The following ATG7 variants were observed in gnomAD, a reference collection of about 807,000 sequenced individuals.
The protein encoded by ATG7 is ubiquitin-like modifier-activating enzyme ATG7.
A neutral mutation model predicts 82.4 loss-of-function variants in ATG7; 70 were observed. That is an observed-to-expected ratio of 0.85 (90% confidence interval 0.70 to 1.04). The LOEUF is 1.04. Ranked by LOEUF, ATG7 falls within the 50% of genes least tolerant of loss-of-function variation. ATG7 has a pLI of 0.00. For missense variants in ATG7, 792 were observed against 864.3 expected, an observed-to-expected ratio of 0.92 and a Z score of 1.05; for synonymous variants, 287 against 313.0, an observed-to-expected ratio of 0.92 and a Z score of 0.88.
intron 20 of ATG7, chr3:11,446,789 C>T: frequency 5.2e-6 from 1 of 193,202 alleles, no homozygotes; most frequent in South Asian, 7.7e-5. Context: ...AGCTATGCTC[C>T]AGGGGGAGGT....
chr3:11,292,977 T>G (rs1445892384), intron 3 of ATG7, among the ~76,000 whole-genome samples: 1 of 152,186 alleles, frequency 6.6e-6, no homozygotes, highest in Non-Finnish European at 1.5e-5. Flanking sequence ...AGTGCTTTAT[T>G]GCGTTGAGAG....
At position 11,556,730 on chromosome 3, in the gene ATG7, G is replaced by A. The variant is rs2072455614; in HGVS notation, c.*1887G>A. 6.6e-6 allele frequency: 1 copy of A among 152,608 alleles called. No homozygotes were observed. Among genetic ancestry groups the A allele is most frequent in the Non-Finnish European group, 1.5e-5 (1 of 68,038 alleles). 9.5% of individuals were successfully genotyped at this position (152,608 alleles called of 1,614,324 possible). ...TCAAAAAATACCTACAAATTTCTCT[G>A]TACATTCTTTACGCACAGCGTAACG... On this transcript the variant is annotated 3_prime_UTR_variant, in exon 21 of 21. Transcript: ENST00000693202.
At chr3:11,322,732 T>C (rs1950371174) in intron 9 of ATG7, among the ~76,000 whole-genome samples, 1 of 152,234 alleles carries the variant, frequency 6.6e-6, no homozygotes, top group Non-Finnish European at 1.5e-5. Context: ...ATTTTTCCTC[T>C]TTTTCCTCTC....
chr3:11,553,331 C>T (rs372596436), intron 20 of ATG7, among the ~76,000 whole-genome samples: 34 of 151,874 alleles, frequency 2.2e-4, no homozygotes, highest in African/African-American at 7.5e-4. Context: ...AGGGAGTATT[C>T]GCAGCAGGTC....
downstream of ATG7, chr3:11,558,587 C>T (rs1402707426): frequency 6.2e-7 from 1 of 1,604,012 alleles, no homozygotes; most frequent in Non-Finnish European, 8.5e-7. Flanking sequence ...GTGACTGTGG[C>T]TGACCATGTG....
the ATG7 span, among the ~76,000 whole-genome samples, chr3:11,570,981 A>G: frequency 4.9e-3 from 753 of 152,282 alleles, 3 homozygotes; most frequent in Non-Finnish European, 8.7e-3. Context: ...CTCTGTGCCA[A>G]TTTTAGACGG....
At chr3:11,462,884 T>C (rs1427313420) in intron 20 of ATG7, among the ~76,000 whole-genome samples, 1 of 138,990 alleles carries the variant, frequency 7.2e-6, no homozygotes, top group Admixed American at 7.2e-5. Flanking sequence ...TTTATTTATT[T>C]ATTTATTTAT....
rs1390441547 is a variant in ATG7, at chr3:11,364,689, T to G, written c.1830T>G (p.Asp610Glu). 1 of 1,614,044 alleles carries G rather than the reference T, an allele frequency of 6.2e-7. No individual in the cohort carries two copies. The highest frequency in any genetic ancestry group is 1.3e-5 in the African/African-American group (1 of 74,908). Residue 610 changes from aspartate (D) to glutamate (E), a missense_variant, in exon 18 of 21, where the codon GAT becomes GAG. Transcript: ENST00000693202. ...GGYAIASSSD[D>E]RMNEPPTSLG... is the part of the protein sequence containing the mutation. The stretch of plus-strand genomic sequence containing the variant: ...ATGCCATTGCCAGCAGCAGTGACGA[T>G]CGGATGAATGAGCCTCCAACCTCTC...
intron 19 of ATG7, among the ~76,000 whole-genome samples, chr3:11,396,060 T>C (rs2079240917): frequency 1.3e-5 from 2 of 151,726 alleles, no homozygotes; most frequent in Non-Finnish European, 2.9e-5. Flanking sequence ...AAAGGACTTT[T>C]ATTGGGTCTT....
At chr3:11,559,366 C>T (rs560107500), downstream of ATG7, 67 of 1,551,122 alleles carry the variant, frequency 4.3e-5, no homozygotes, top group Non-Finnish European at 5.2e-5. Context: ...CAGGCCCGGG[C>T]GCGGCACAGC....
At chr3:11,441,839 A>G (rs547584177) in intron 20 of ATG7, among the ~76,000 whole-genome samples, 3 of 149,926 alleles carry the variant, frequency 2.0e-5, no homozygotes, top group South Asian at 2.1e-4. Context: ...GCTAATTTTC[A>G]TATTTTTAGT....
intron 20 of ATG7, among the ~76,000 whole-genome samples, chr3:11,468,658 C>G (rs982820959): frequency 6.6e-6 from 1 of 152,188 alleles, no homozygotes; most frequent in African/African-American, 2.4e-5. Context: ...TGATCCCCCA[C>G]TACTTCATTC....
At chr3:11,425,037 G>A (rs7372723) in intron 19 of ATG7, among the ~76,000 whole-genome samples, 77,863 of 151,826 alleles carry the variant, frequency 0.51, 20,897 homozygotes, top group East Asian at 0.68. Context: ...ATCATAACTA[G>A]TTGCAGCCTC....
intron 20 of ATG7, among the ~76,000 whole-genome samples, chr3:11,522,232 G>A (rs2092460933): frequency 1.3e-5 from 2 of 152,106 alleles, no homozygotes; most frequent in Non-Finnish European, 2.9e-5. Context: ...CCCTACTTGG[G>A]AACAGCCCTG....
chr3:11,284,911 A>G (rs1943707135), intron 3 of ATG7, among the ~76,000 whole-genome samples: 3 of 149,992 alleles, frequency 2.0e-5, no homozygotes, highest in Admixed American at 6.7e-5. Context: ...CAGGTGCGCA[A>G]TCTTGGCTCA....
chr3:11,528,317 C>T (rs1176002504), intron 20 of ATG7, among the ~76,000 whole-genome samples: 1 of 152,078 alleles, frequency 6.6e-6, no homozygotes, highest in Non-Finnish European at 1.5e-5. Flanking sequence ...CATAATGGCA[C>T]ATACTTTAAA....
chr3:11,536,307 C>T (rs1012393103), intron 20 of ATG7, among the ~76,000 whole-genome samples: 2 of 152,186 alleles, frequency 1.3e-5, no homozygotes, highest in Non-Finnish European at 2.9e-5. Flanking sequence ...GGTTGGTCCA[C>T]TTAACCTTTG....
At chr3:11,483,554 C>T (rs1227876880) in intron 20 of ATG7, among the ~76,000 whole-genome samples, 1 of 152,168 alleles carries the variant, frequency 6.6e-6, no homozygotes, top group East Asian at 1.9e-4. Flanking sequence ...TTGTCAGTGG[C>T]AAGGAATGTG....
intron 9 of ATG7, among the ~76,000 whole-genome samples, chr3:11,328,550 TA>T (rs1314397651): frequency 1.3e-5 from 2 of 152,184 alleles, no homozygotes; most frequent in Admixed American, 6.5e-5. Context: ...AAATTTTATA[TA>T]ACGGAAAAGG....
Sources: gnomAD v4.1 joint callset for allele counts (sites outside exome capture counted in the v4.1 genomes callset) on GRCh38, gnomAD v4.1.1 for gene constraint, MANE v1.5 for transcripts, NCBI Gene and HGNC (gene_info 2026-07-23, HGNC 2026-07-21) for gene names.